ADCK1: variants seen among roughly 807,000 people sequenced by gnomAD.
ADCK1 encodes aarF domain-containing protein kinase 1.
In ADCK1, 41 loss-of-function variants were observed where a neutral mutation model predicts 52.3. The ratio of observed to expected loss-of-function variants is 0.78; its 90% confidence interval spans 0.61 to 1.02. The LOEUF (loss-of-function observed/expected upper bound fraction) is 1.02. Among genes scored for constraint, ADCK1 ranks in the 50% least tolerant of loss-of-function variants. The probability of loss-of-function intolerance (pLI) is 0.00; values close to 1 mark genes in which losing one functional copy is unlikely to be tolerated. For synonymous variants in ADCK1, 250 were observed against 274.6 expected (o/e 0.91, Z 0.89); for missense variants, 658 against 679.5 (o/e 0.97, Z 0.35).
At chr14:77,877,515 G>T (rs2140182193) in intron 4 of ADCK1, among the ~76,000 whole-genome samples, 1 of 152,344 alleles carries the variant, frequency 6.6e-6, no homozygotes, top group South Asian at 2.1e-4. Flanking sequence ...GTTCACCTCA[G>T]TGGGCAGGAG....
intron 4 of ADCK1, among the ~76,000 whole-genome samples, chr14:77,880,268 G>A (rs569754264): frequency 6.6e-6 from 1 of 152,298 alleles, no homozygotes; most frequent in African/African-American, 2.4e-5. Context: ...GCCAGGAGGC[G>A]GTTCAGCAAT....
intron 4 of ADCK1, among the ~76,000 whole-genome samples, chr14:77,868,061 C>T (rs1048101764): frequency 2.0e-5 from 3 of 152,224 alleles, no homozygotes; most frequent in Admixed American, 6.5e-5. Flanking sequence ...CCTCGATCTT[C>T]CTGAGGTTTA....
chr14:77,850,209 AAAAC>A (rs2082254185), intron 3 of ADCK1, among the ~76,000 whole-genome samples: 6 of 152,354 alleles, frequency 3.9e-5, no homozygotes, highest in Middle Eastern at 3.4e-3. Flanking sequence ...CTTGTCTCAA[AAAAC>A]AAACAGAAAG....
chr14:77,901,581 G>C (rs958162537), intron 6 of ADCK1, among the ~76,000 whole-genome samples: 2 of 151,844 alleles, frequency 1.3e-5, no homozygotes, highest in African/African-American at 4.8e-5. Context: ...GTAGAGACAC[G>C]GTTTTGCCAT....
intron 4 of ADCK1, among the ~76,000 whole-genome samples, chr14:77,878,924 T>TCC (rs5809855): frequency 1.2e-4 from 18 of 151,586 alleles, no homozygotes; most frequent in East Asian, 1.2e-3. Context: ...GACTGTCCCT[T>TCC]CCCCCCCCAC....
chr14:77,863,797 A>G (rs2082604245), intron 4 of ADCK1, among the ~76,000 whole-genome samples: 1 of 151,964 alleles, frequency 6.6e-6, no homozygotes, highest in Non-Finnish European at 1.5e-5. Context: ...AGATCAGGCT[A>G]TTGGACTCCA....
In ADCK1 at chr14:77,925,828, T is replaced by G. The variant is rs200358039; in HGVS notation, c.1073T>G (p.Met358Arg). ...TGGCAGTCTCTGATCTGGACTGACA[T>G]GAAGAGAGTGAAGGAGTACAGCCAG... ...HLWQSLIWTD[M>R]KRVKEYSQRL... The change falls in exon 9 of 11, where the codon ATG becomes AGG. Residue 358 changes from methionine (M) to arginine (R), a missense_variant. Coordinates refer to ENST00000238561, the MANE Select transcript of ADCK1 (RefSeq NM_020421.4). 1.9e-4 allele frequency: 312 copies of G among 1,614,118 alleles called. 2 individuals carry two copies. The highest frequency in any genetic ancestry group is 8.9e-5 in the East Asian group (4 of 44,866).
intron 7 of ADCK1, among the ~76,000 whole-genome samples, chr14:77,919,816 G>A (rs2084008537): frequency 6.6e-6 from 1 of 152,020 alleles, no homozygotes; most frequent in Non-Finnish European, 1.5e-5. Context: ...GTTTTGATTT[G>A]CATTTCCCTG....
rs540094909 is a variant in ADCK1 at position 77,881,425 on chromosome 14, A to G, written c.424-5666A>G. 9.2e-5 allele frequency among the ~76,000 whole-genome samples: 14 copies of G among 152,298 alleles called. No homozygotes were observed. The South Asian group carries it at 1.9e-3, about 20-fold the overall frequency. On this transcript the variant is annotated intron_variant, in intron 4 of 10. Coordinates refer to ENST00000238561, the MANE Select transcript of ADCK1 (RefSeq NM_020421.4). ...GAAGTCCCATGCTATCGCTTCTTCC[A>G]TGTGTTCTTTGTTGGGAGTGGATCA...
rs2084100893 is a variant in ADCK1 at position 77,923,099 on chromosome 14, GA to G, written c.859-1357del. Reference sequence around the variant, plus strand: ...GCAGAGCGAGTCCCTCCTATCTTGGGAGTTTATGATAGTGGGATAGATGGTC... The same window carrying G: ...GCAGAGCGAGTCCCTCCTATCTTGGGGTTTATGATAGTGGGATAGATGGTC... On this transcript the variant is annotated intron_variant, in intron 7 of 10. Transcript: ENST00000238561. The surrounding 1 kb of genome is among the most constrained non-coding windows in gnomAD (Gnocchi z 4.3). 1 of 152,214 alleles carries G rather than the reference GA, an allele frequency of 6.6e-6. No homozygotes were observed. Among genetic ancestry groups the G allele is most frequent in the Admixed American group, 6.5e-5 (1 of 15,286 alleles). 9.4% of individuals were successfully genotyped at this position (152,214 alleles called of 1,614,324 possible).
chr14:77,802,301 C>T (rs2081126477), intron 1 of ADCK1, among the ~76,000 whole-genome samples: 1 of 152,150 alleles, frequency 6.6e-6, no homozygotes, highest in African/African-American at 2.4e-5. Flanking sequence ...ACTCTCTTCT[C>T]TTACCTGCTG....
At chr14:77,850,876 C>T (rs1004255324) in intron 3 of ADCK1, among the ~76,000 whole-genome samples, 2 of 151,386 alleles carry the variant, frequency 1.3e-5, no homozygotes, top group Non-Finnish European at 2.9e-5. Context: ...AGGATGGTCT[C>T]GATCTCCTGA....
chr14:77,926,212 T>G (rs7152398), intron 9 of ADCK1, among the ~76,000 whole-genome samples: 110,737 of 152,108 alleles, frequency 0.73, 41,325 homozygotes, highest in African/African-American at 0.88. Context: ...AGGAAACAGG[T>G]GCACATTAAC....
chr14:77,847,671 T>C (rs369728136), intron 3 of ADCK1, among the ~76,000 whole-genome samples: 1 of 152,240 alleles, frequency 6.6e-6, no homozygotes, highest in Non-Finnish European at 1.5e-5. Context: ...CTTTTCCCAC[T>C]GTGGCCAGTG....
intron 7 of ADCK1, among the ~76,000 whole-genome samples, chr14:77,912,714 G>T (rs1421263325): frequency 3.9e-5 from 6 of 152,086 alleles, no homozygotes; most frequent in Non-Finnish European, 8.8e-5. Context: ...GCTATAAGCA[G>T]ATGTCTATCC....
chr14:77,810,593 C>T lies in ADCK1; in HGVS notation c.-11-8375C>T, dbSNP rs1319804952. 3.3e-5 allele frequency among the ~76,000 whole-genome samples: 5 copies of T among 149,860 alleles called. No individual in the cohort carries two copies. The South Asian group carries it at 6.4e-4, about 19-fold the overall frequency. Reference sequence around the variant, plus strand: ...TCTCCCAGGCTGGAGTGCAGTGGCACGATTTCAGCTCACTGCAAGCTATGC... The same window carrying T: ...TCTCCCAGGCTGGAGTGCAGTGGCATGATTTCAGCTCACTGCAAGCTATGC... On this transcript the variant is annotated intron_variant, in intron 1 of 10. Transcript: ENST00000238561.
chr14:77,930,561 G>A (rs1478073726), intron 9 of ADCK1, among the ~76,000 whole-genome samples: 7 of 152,168 alleles, frequency 4.6e-5, no homozygotes. Flanking sequence ...AGGAGGTGTG[G>A]TATTGCCAGA....
chr14:77,852,673 A>ATATTTATATATATATATATATATAT (rs1566667046), intron 3 of ADCK1, among the ~76,000 whole-genome samples: 2 of 18,132 alleles, frequency 1.1e-4, no homozygotes, highest in Admixed American at 6.8e-4. Flanking sequence ...ATATATATAT[A>ATATTTATATATATATATATATATAT]TATATATATA....
intron 3 of ADCK1, among the ~76,000 whole-genome samples, chr14:77,839,400 G>A (rs146423368): frequency 6.6e-6 from 1 of 152,280 alleles, no homozygotes; most frequent in East Asian, 1.9e-4. Flanking sequence ...ATGGCAAGCT[G>A]TGTGCTGGGG....
Sources: allele counts gnomAD v4.1 joint callset (sites outside exome capture counted in the v4.1 genomes callset), GRCh38; gene constraint gnomAD v4.1.1; non-coding constraint Gnocchi (gnomAD v3.1); transcripts MANE v1.5; gene names NCBI Gene and HGNC (gene_info 2026-07-23, HGNC 2026-07-21).